Variants in THRB observed in about 807,000 individuals in gnomAD.
THRB encodes thyroid hormone receptor beta.
A neutral mutation model predicts 47.8 loss-of-function variants in THRB; 12 were observed. That is an observed-to-expected ratio of 0.25 (90% CI 0.16 to 0.41). THRB has a LOEUF of 0.41. Among genes scored for constraint, THRB ranks in the 10% least tolerant of loss-of-function variants. THRB has a pLI of 1.00. For missense variants in THRB, 348 were observed against 589.2 expected (o/e 0.59, Z 4.24); for synonymous variants, 218 against 212.2 (o/e 1.03, Z -0.24).
chr3:24,449,241 C>T (rs2072407817), intron 1 of THRB, among the ~76,000 whole-genome samples: 1 of 152,090 alleles, frequency 6.6e-6, no homozygotes, highest in Non-Finnish European at 1.5e-5. Context: ...AAGGAGTGTT[C>T]CTTATTTTAA....
chr3:24,235,248 G>T (rs543194889), intron 3 of THRB, among the ~76,000 whole-genome samples: 3 of 152,150 alleles, frequency 2.0e-5, no homozygotes, highest in Non-Finnish European at 4.4e-5. Context: ...ACTCCAGCAC[G>T]CTTGCCCTGA....
intron 3 of THRB, among the ~76,000 whole-genome samples, chr3:24,272,362 C>A (rs2053431344): frequency 6.6e-6 from 1 of 151,482 alleles, no homozygotes; most frequent in South Asian, 2.1e-4. Context: ...ACAACAACAA[C>A]AACAACAACA....
chr3:24,290,934 C>G (rs542739424), intron 3 of THRB, among the ~76,000 whole-genome samples: 2 of 152,186 alleles, frequency 1.3e-5, no homozygotes, highest in Non-Finnish European at 2.9e-5. Context: ...GTCCTGTTCT[C>G]ATGAATTTCC....
intron 5 of THRB, among the ~76,000 whole-genome samples, chr3:24,172,391 T>A (rs2040547464): frequency 6.6e-6 from 1 of 152,116 alleles, no homozygotes; most frequent in African/African-American, 2.4e-5. Context: ...CCAGGGCCTC[T>A]TGGGCTCTTG....
In THRB at chr3:24,235,432, C is replaced by T. The variant is rs117362499; in HGVS notation, c.-42-6431G>A. On this transcript the variant is annotated intron_variant, in intron 3 of 10. Coordinates refer to ENST00000646209, the MANE Select transcript of THRB (RefSeq NM_001354712.2). ...GCTTCCCCTCACAGCTCATCATCAA[C>T]CTTTTGTGGCCTTTTCAAACTGTCT... 7.2e-5 allele frequency among the ~76,000 whole-genome samples: 11 copies of T among 152,256 alleles called. No homozygotes were observed. The East Asian group carries it at 2.1e-3, about 29-fold the overall frequency.
chr3:24,366,159 C>A (rs778059690), intron 1 of THRB, among the ~76,000 whole-genome samples: 1 of 152,144 alleles, frequency 6.6e-6, no homozygotes, highest in Non-Finnish European at 1.5e-5. Context: ...CTACCCTACC[C>A]AGTTCCAGTT....
intron 4 of THRB, among the ~76,000 whole-genome samples, chr3:24,210,951 C>T (rs1253505202): frequency 2.6e-5 from 4 of 151,752 alleles, no homozygotes; most frequent in Non-Finnish European, 4.4e-5. Flanking sequence ...GTAATGCTAG[C>T]ACTTTGGGAG....
At chr3:24,479,803 A>G (rs1696095988) in intron 1 of THRB, among the ~76,000 whole-genome samples, 1 of 152,070 alleles carries the variant, frequency 6.6e-6, no homozygotes, top group Admixed American at 6.5e-5. Context: ...CTCCCATGGC[A>G]CCACTTCAGC....
At chr3:24,443,148 C>T (rs1263440331) in intron 1 of THRB, among the ~76,000 whole-genome samples, 2 of 152,144 alleles carry the variant, frequency 1.3e-5, no homozygotes. Flanking sequence ...CACCAGCACT[C>T]CAGCCTGGCA....
chr3:24,255,061 G>T (rs1451445569), intron 3 of THRB, among the ~76,000 whole-genome samples: 1 of 152,180 alleles, frequency 6.6e-6, no homozygotes, highest in East Asian at 1.9e-4. Context: ...ATGGCACTGA[G>T]ACATCCACCA....
intron 1 of THRB, among the ~76,000 whole-genome samples, chr3:24,479,023 G>T (rs1695936523): frequency 6.6e-6 from 1 of 152,230 alleles, no homozygotes; most frequent in Admixed American, 6.5e-5. Flanking sequence ...ATGCGGCCGG[G>T]CGCGGGGGTT....
chr3:24,249,845 C>G (rs75901909), intron 3 of THRB, among the ~76,000 whole-genome samples: 8,769 of 152,254 alleles, frequency 0.058, 388 homozygotes, highest in Non-Finnish European at 0.082. Flanking sequence ...TTCACTCATT[C>G]ATTTATTCAC....
chr3:24,417,228 A>G (rs1276067563), intron 1 of THRB, among the ~76,000 whole-genome samples: 1 of 151,868 alleles, frequency 6.6e-6, no homozygotes, highest in Non-Finnish European at 1.5e-5. Flanking sequence ...TGAATTCATT[A>G]AATACATATA....
chr3:24,172,366 G>A (rs545660540), intron 5 of THRB, among the ~76,000 whole-genome samples: 2 of 152,062 alleles, frequency 1.3e-5, no homozygotes, highest in South Asian at 4.2e-4. Flanking sequence ...ATCCCCAGGT[G>A]GGCACAGGAC....
At chr3:24,150,508 A>G (rs1444187519) in intron 6 of THRB, among the ~76,000 whole-genome samples, 1 of 152,158 alleles carries the variant, frequency 6.6e-6, no homozygotes, top group African/African-American at 2.4e-5. Context: ...TTGCTACACG[A>G]TTTCTTCTTT....
intron 7 of THRB, among the ~76,000 whole-genome samples, chr3:24,145,804 T>C (rs1308137309): frequency 6.6e-6 from 1 of 152,230 alleles, no homozygotes; most frequent in Non-Finnish European, 1.5e-5. Context: ...TATTTTCTTT[T>C]TTCTTTCTTC....
chr3:24,194,836 G>A (rs764735576), intron 4 of THRB, among the ~76,000 whole-genome samples: 14 of 152,226 alleles, frequency 9.2e-5, no homozygotes, highest in Non-Finnish European at 1.9e-4. Flanking sequence ...TGATACCTTA[G>A]AAAAGAGCTA....
intron 10 of THRB, among the ~76,000 whole-genome samples, chr3:24,125,603 A>ATTTC (rs1056190641): frequency 3.9e-5 from 6 of 152,054 alleles, no homozygotes; most frequent in African/African-American, 1.4e-4. Flanking sequence ...TATAAATTTT[A>ATTTC]TTTCTTTGAG....
At chr3:24,365,104 A>T (rs1296162003) in intron 1 of THRB, among the ~76,000 whole-genome samples, 1 of 152,212 alleles carries the variant, frequency 6.6e-6, no homozygotes, top group Non-Finnish European at 1.5e-5. Flanking sequence ...CCCTGTGTTT[A>T]TAAGAAAAAT....
Sources: gnomAD v4.1 joint callset for allele counts (sites outside exome capture counted in the v4.1 genomes callset) on GRCh38, gnomAD v4.1.1 for gene constraint, MANE v1.5 for transcripts, NCBI Gene and HGNC (gene_info 2026-07-23, HGNC 2026-07-21) for gene names.